The following DOCK3 variants were observed in gnomAD, a reference collection of about 807,000 sequenced individuals.
DOCK3 encodes dedicator of cytokinesis 3, also known as dedicator of cytokinesis protein 3.
DOCK3 carries 60 observed loss-of-function variants against 265.6 expected under a neutral mutation model. The observed-to-expected ratio is 0.23, with a 90% CI of 0.18 to 0.28. The LOEUF (loss-of-function observed/expected upper bound fraction) is 0.28, where lower values mean the gene tolerates loss of function less well. Ranked by LOEUF, DOCK3 falls within the 10% of genes least tolerant of loss-of-function variation. DOCK3 has a pLI of 1.00. For missense variants in DOCK3, 1,981 were observed against 2,594.3 expected (o/e 0.76, Z 5.14); for synonymous variants, 881 against 938.0 (o/e 0.94, Z 1.11).
At chr3:51,327,762 C>T (rs1475198114) in intron 32 of DOCK3, among the ~76,000 whole-genome samples, 2 of 151,326 alleles carry the variant, frequency 1.3e-5, no homozygotes. Context: ...TCACTGCAAC[C>T]TCCACCTCCT....
intron 5 of DOCK3, among the ~76,000 whole-genome samples, chr3:50,957,814 C>T (rs1575609965): frequency 2.0e-5 from 3 of 152,222 alleles, no homozygotes; most frequent in African/African-American, 7.2e-5. Flanking sequence ...TTCTAGTTCT[C>T]TTCATTTGTT....
intron 7 of DOCK3, among the ~76,000 whole-genome samples, chr3:51,085,037 T>C (rs921787014): frequency 9.2e-5 from 14 of 152,288 alleles, no homozygotes; most frequent in East Asian, 5.8e-4. Flanking sequence ...GCTATACTTA[T>C]ATCAGAGAAA....
intron 1 of DOCK3, among the ~76,000 whole-genome samples, chr3:50,717,785 G>T (rs2037215951): frequency 6.6e-6 from 1 of 152,090 alleles, no homozygotes; most frequent in African/African-American, 2.4e-5. Context: ...ACCATGCCCG[G>T]CTAATTTTTT....
intron 12 of DOCK3, among the ~76,000 whole-genome samples, chr3:51,182,409 AGG>A (rs2087351957): frequency 6.6e-6 from 1 of 152,158 alleles, no homozygotes. Context: ...TAATACTCTA[AGG>A]TATCAGACTT....
chr3:50,874,044 TTTTTTTTTTTTCTTTTCTTTTG>T lies in DOCK3; in HGVS notation c.163-15970_163-15949del, dbSNP rs1259057818. On this transcript the variant is annotated intron_variant, in intron 3 of 52. Transcript: ENST00000266037. ...TGAGTTTTGGTTTTCATGAAGGTGT[TTTTTTTTTTTTCTTTTCTTTTG>T]TTTTTTTTTTTTTTGTTAAATTGTT... is the stretch of plus-strand genomic sequence containing the variant. Among the ~76,000 whole-genome samples the T allele has an allele frequency of 6.4e-5, 9 of 140,506 alleles. No individual in the cohort carries two copies. The East Asian group carries it at 9.8e-4, about 15-fold the overall frequency. 92.2% of individuals were successfully genotyped at this position (140,506 alleles called of 152,430 possible).
At chr3:50,825,969 TA>T (rs1455229037) in intron 2 of DOCK3, among the ~76,000 whole-genome samples, 1 of 151,664 alleles carries the variant, frequency 6.6e-6, no homozygotes, top group Non-Finnish European at 1.5e-5. Flanking sequence ...TTTTTTTTTT[TA>T]ATCACAGTGG....
chr3:51,124,278 C>T (rs1027943211), intron 9 of DOCK3, among the ~76,000 whole-genome samples: 1 of 152,196 alleles, frequency 6.6e-6, no homozygotes, highest in African/African-American at 2.4e-5. Flanking sequence ...AGTGACCCCT[C>T]ACAGACCCTG....
intron 15 of DOCK3, 80 bp from the exon 16 acceptor site, chr3:51,227,202 GA>G: frequency 1.3e-6 from 2 of 1,517,342 alleles, no homozygotes; most frequent in South Asian, 2.5e-5. Context: ...TTAGACAAGA[GA>G]AAGAAAAGTG....
chr3:50,763,806 A>G (rs1449533845), intron 1 of DOCK3, among the ~76,000 whole-genome samples: 2 of 152,108 alleles, frequency 1.3e-5, no homozygotes, highest in African/African-American at 4.8e-5. Context: ...TGATTAATCA[A>G]TTCTATTGAT....
chr3:51,138,377 C>T (rs866777210), intron 9 of DOCK3, among the ~76,000 whole-genome samples: 2 of 151,978 alleles, frequency 1.3e-5, no homozygotes, highest in South Asian at 4.1e-4. Context: ...TTTGTGTATG[C>T]CCAAAGGCCT....
At chr3:51,119,008 C>G (rs2106685719) in intron 9 of DOCK3, among the ~76,000 whole-genome samples, 1 of 152,244 alleles carries the variant, frequency 6.6e-6, no homozygotes, top group East Asian at 1.9e-4. Context: ...TAATTTGAAC[C>G]TGTCATTATG....
intron 1 of DOCK3, among the ~76,000 whole-genome samples, chr3:50,701,197 C>T (rs888449378): frequency 6.8e-6 from 1 of 146,728 alleles, no homozygotes; most frequent in African/African-American, 2.5e-5. Context: ...GTGGCAGGAT[C>T]ATGGCTCACT....
chr3:50,890,486 A>G (rs2048588254), intron 4 of DOCK3, among the ~76,000 whole-genome samples: 1 of 152,098 alleles, frequency 6.6e-6, no homozygotes, highest in African/African-American at 2.4e-5. Context: ...TAACCATAAG[A>G]AGACAATATA....
At chr3:50,928,128 G>T (rs896397049) in intron 4 of DOCK3, among the ~76,000 whole-genome samples, 11 of 142,892 alleles carry the variant, frequency 7.7e-5, no homozygotes, top group Non-Finnish European at 1.2e-4. Flanking sequence ...TTATTGTGAT[G>T]ATATATATAT....
At chr3:50,952,577 G>A (rs982348768) in intron 5 of DOCK3, among the ~76,000 whole-genome samples, 6 of 152,002 alleles carry the variant, frequency 3.9e-5, no homozygotes, top group African/African-American at 1.4e-4. Flanking sequence ...AAAGGATTTG[G>A]TAGTGCCTCC....
chr3:51,351,625 T>C (rs1020616087), intron 40 of DOCK3, among the ~76,000 whole-genome samples: 10 of 150,428 alleles, frequency 6.6e-5, no homozygotes, highest in Non-Finnish European at 1.5e-4. Flanking sequence ...GTGTTTCTAG[T>C]AGCAGAATGG....
chr3:51,181,261 A>T (rs960788662), intron 12 of DOCK3, among the ~76,000 whole-genome samples: 1 of 147,302 alleles, frequency 6.8e-6, no homozygotes, highest in African/African-American at 2.5e-5. Context: ...TATATTAGGT[A>T]TATCTCCTAA....
chr3:51,139,257 G>A (rs566748236), intron 9 of DOCK3, among the ~76,000 whole-genome samples: 13 of 150,430 alleles, frequency 8.6e-5, no homozygotes, highest in African/African-American at 2.7e-4. Context: ...ACTGCAGTGG[G>A]GGGAGGGCTA....
At chr3:50,731,565 T>A (rs1297296419) in intron 1 of DOCK3, among the ~76,000 whole-genome samples, 5 of 148,920 alleles carry the variant, frequency 3.4e-5, no homozygotes, top group Admixed American at 2.0e-4. Context: ...AAAAAAGGTA[T>A]TTTTAAAAAT....
Sources: allele counts gnomAD v4.1 joint callset (sites outside exome capture counted in the v4.1 genomes callset), GRCh38; gene constraint gnomAD v4.1.1; transcripts MANE v1.5; gene names NCBI Gene and HGNC (gene_info 2026-07-23, HGNC 2026-07-21).